Variants in PAWR observed in about 807,000 individuals in gnomAD.
PAWR encodes PRKC apoptosis WT1 regulator protein.
In PAWR, 23 loss-of-function variants were observed where a neutral mutation model predicts 32.0. The ratio of observed to expected loss-of-function variants is 0.72; its 90% CI spans 0.52 to 1.02. The LOEUF is 1.02. Among genes scored for constraint, PAWR ranks in the 50% least tolerant of loss-of-function variants. The pLI, the probability that PAWR is intolerant of heterozygous loss-of-function variation, is 0.00. For synonymous variants in PAWR, 226 were observed against 187.1 expected, an observed-to-expected ratio of 1.21 and a Z score of -1.70; for missense variants, 457 against 437.7, an observed-to-expected ratio of 1.04 and a Z score of -0.39.
At chr12:79,669,324 G>A (rs987650042) in intron 2 of PAWR, among the ~76,000 whole-genome samples, 8 of 152,168 alleles carry the variant, frequency 5.3e-5, no homozygotes, top group African/African-American at 1.9e-4. Context: ...CCTGCATGGA[G>A]GGAATAAGCC....
intron 2 of PAWR, among the ~76,000 whole-genome samples, chr12:79,622,065 C>T (rs957215005): frequency 2.6e-5 from 4 of 151,686 alleles, no homozygotes; most frequent in Non-Finnish European, 4.4e-5. Flanking sequence ...TTTGTAGAGA[C>T]ACTAAGGAAC....
At chr12:79,639,069 C>G (rs570420537) in intron 2 of PAWR, among the ~76,000 whole-genome samples, 1 of 149,672 alleles carries the variant, frequency 6.7e-6, no homozygotes, top group African/African-American at 2.5e-5. Flanking sequence ...CATGCCACCA[C>G]GCACAGCTAA....
chr12:79,683,841 A>C (rs543474794), intron 2 of PAWR, among the ~76,000 whole-genome samples: 2 of 152,300 alleles, frequency 1.3e-5, no homozygotes, highest in East Asian at 3.9e-4. Flanking sequence ...ACTAAACTCC[A>C]CTGCAAACAA....
At chr12:79,650,716 A>T (rs78575206) in intron 2 of PAWR, among the ~76,000 whole-genome samples, 11 of 44,084 alleles carry the variant, frequency 2.5e-4, no homozygotes, top group Non-Finnish European at 1.3e-3. Context: ...AAGGTTATTA[A>T]AAAAAAAAAA....
intron 2 of PAWR, among the ~76,000 whole-genome samples, chr12:79,658,922 A>G (rs1359580323): frequency 6.6e-6 from 1 of 151,802 alleles, no homozygotes; most frequent in African/African-American, 2.4e-5. Context: ...CAGCCTCTCA[A>G]AGTGCTGGGA....
chr12:79,678,527 C>G (rs562149843), intron 2 of PAWR, among the ~76,000 whole-genome samples: 1 of 152,354 alleles, frequency 6.6e-6, no homozygotes, highest in Admixed American at 6.5e-5. Flanking sequence ...GCCAGGATGG[C>G]CTTTGGGCAA....
chr12:79,665,658 A>G (rs1042136800), intron 2 of PAWR, among the ~76,000 whole-genome samples: 1 of 152,160 alleles, frequency 6.6e-6, no homozygotes, highest in African/African-American at 2.4e-5. Context: ...TAATTAACCT[A>G]TTACTTACAC....
At chr12:79,625,731 A>T (rs1875265586) in intron 2 of PAWR, among the ~76,000 whole-genome samples, 1 of 151,904 alleles carries the variant, frequency 6.6e-6, no homozygotes, top group South Asian at 2.1e-4. Context: ...AAGGCAGGAG[A>T]ATGTCGCGAA....
At chr12:79,654,495 G>A (rs1877002086) in intron 2 of PAWR, among the ~76,000 whole-genome samples, 1 of 152,026 alleles carries the variant, frequency 6.6e-6, no homozygotes, top group African/African-American at 2.4e-5. Context: ...CTCTGGGAGA[G>A]CTGGCTTCCC....
intron 2 of PAWR, among the ~76,000 whole-genome samples, chr12:79,674,025 T>A (rs1192037487): frequency 6.6e-6 from 1 of 151,970 alleles, no homozygotes; most frequent in African/African-American, 2.4e-5. Context: ...GCTATCAATA[T>A]CATTATTTGC....
rs1353047379 is a variant in PAWR at position 79,689,711 on chromosome 12, G to A, written c.516+18C>T. On this transcript the variant is annotated intron_variant, in intron 2 of 6. Coordinates refer to ENST00000328827, the MANE Select transcript of PAWR (RefSeq NM_002583.4). ...GCCCGCCCCGGCCCGGTCCGGCTGC[G>A]GCCCCCGCCCGGCTCACCTCTGCGG... is the stretch of plus-strand genomic sequence containing the variant. 2 of 1,536,324 alleles carry A rather than the reference G, an allele frequency of 1.3e-6. No individual in the cohort carries two copies. Among genetic ancestry groups the A allele is most frequent in the Non-Finnish European group, 1.7e-6 (2 of 1,145,454 alleles).
At chr12:79,647,352 T>C (rs1021116846) in intron 2 of PAWR, among the ~76,000 whole-genome samples, 3 of 152,188 alleles carry the variant, frequency 2.0e-5, no homozygotes, top group African/African-American at 7.2e-5. Context: ...CAAATGTTAT[T>C]GTATACAAAG....
At chr12:79,607,593 G>T (rs1874239053) in intron 4 of PAWR, among the ~76,000 whole-genome samples, 1 of 151,940 alleles carries the variant, frequency 6.6e-6, no homozygotes, top group Non-Finnish European at 1.5e-5. Flanking sequence ...GCTGGGTGTG[G>T]TGGCACATGC....
chr12:79,618,474 T>C (rs1444053141), intron 3 of PAWR, among the ~76,000 whole-genome samples: 3 of 152,176 alleles, frequency 2.0e-5, no homozygotes, highest in African/African-American at 7.2e-5. Flanking sequence ...CTCTTAGCTA[T>C]TTTGAAATAT....
chr12:79,599,108 C>T (rs1873869296), intron 4 of PAWR, among the ~76,000 whole-genome samples: 1 of 152,150 alleles, frequency 6.6e-6, no homozygotes, highest in Non-Finnish European at 1.5e-5. Flanking sequence ...AGACAAAAAG[C>T]TAACTCACAT....
At chr12:79,631,153 G>A (rs1382711622) in intron 2 of PAWR, among the ~76,000 whole-genome samples, 1 of 152,066 alleles carries the variant, frequency 6.6e-6, no homozygotes, top group African/African-American at 2.4e-5. Context: ...AGCAAACTTA[G>A]AAGAGAATAG....
rs536226674 is a variant in PAWR at position 79,631,924 on chromosome 12, A to G, written c.517-10717T>C. On this transcript the variant is annotated intron_variant, in intron 2 of 6. Transcript: ENST00000328827. ...CAGGCAGGTGGATTGCCTGAGCTCA[A>G]GAGTTCGAGACCAGCCTGGGGAACA... Among the ~76,000 whole-genome samples the G allele has an allele frequency of 2.0e-5, 3 of 152,072 alleles. No individual in the cohort carries two copies. The South Asian group carries it at 6.2e-4, about 32-fold the overall frequency.
intron 4 of PAWR, among the ~76,000 whole-genome samples, chr12:79,602,798 G>A (rs543517114): frequency 1.7e-4 from 24 of 143,758 alleles, no homozygotes; most frequent in Non-Finnish European, 2.3e-4. Context: ...TTGTAGAGAC[G>A]TGTCACTATG....
At chr12:79,621,047 G>C in intron 3 of PAWR, 29 bp downstream of exon 3, 2 of 1,552,536 alleles carry the variant, frequency 1.3e-6, no homozygotes, top group Non-Finnish European at 1.7e-6. Context: ...AAAATAGATA[G>C]TGACTTCCTG....
Sources: allele counts gnomAD v4.1 joint callset (sites outside exome capture counted in the v4.1 genomes callset), GRCh38; gene constraint gnomAD v4.1.1; transcripts MANE v1.5; gene names NCBI Gene and HGNC (gene_info 2026-07-23, HGNC 2026-07-21).